B3GALT1: variants seen among roughly 807,000 people sequenced by gnomAD.
The protein encoded by B3GALT1 is UDP-Gal:betaGlcNAc beta 1,3-galactosyltransferase, polypeptide 1.
A neutral mutation model predicts 23.2 loss-of-function variants in B3GALT1; 10 were observed. That is an observed-to-expected ratio of 0.43 (90% confidence interval 0.27 to 0.73). The LOEUF (loss-of-function observed/expected upper bound fraction) is 0.73, where lower values mean the gene tolerates loss of function less well. Among genes scored for constraint, B3GALT1 ranks in the 30% least tolerant of loss-of-function variants. The probability of loss-of-function intolerance (pLI) is 0.21; values close to 1 mark genes in which losing one functional copy is unlikely to be tolerated. For missense variants in B3GALT1, 299 were observed against 405.4 expected, an observed-to-expected ratio of 0.74 and a Z score of 2.25; for synonymous variants, 156 against 141.5, an observed-to-expected ratio of 1.10 and a Z score of -0.73.
chr2:167,819,778 C>A (rs1395918552), intron 4 of B3GALT1, among the ~76,000 whole-genome samples: 1 of 152,212 alleles, frequency 6.6e-6, no homozygotes, highest in East Asian at 1.9e-4. Flanking sequence ...TTCAACAAAA[C>A]TCCAATTCAC....
At chr2:167,616,682 A>C (rs1685167822) in intron 2 of B3GALT1, among the ~76,000 whole-genome samples, 1 of 152,022 alleles carries the variant, frequency 6.6e-6, no homozygotes, top group Non-Finnish European at 1.5e-5. Flanking sequence ...GTGATAGAGC[A>C]AGACCCTGTC....
intron 2 of B3GALT1, among the ~76,000 whole-genome samples, chr2:167,623,701 T>C (rs556483701): frequency 1.3e-5 from 2 of 152,152 alleles, no homozygotes; most frequent in East Asian, 1.9e-4. Flanking sequence ...TGTGTACCTA[T>C]GTAACAAACC....
At chr2:167,721,076 C>T (rs1490447741) in intron 3 of B3GALT1, among the ~76,000 whole-genome samples, 1 of 151,912 alleles carries the variant, frequency 6.6e-6, no homozygotes, top group African/African-American at 2.4e-5. Context: ...CTTTCTCTCT[C>T]TTCTCTCTCT....
intron 1 of B3GALT1, among the ~76,000 whole-genome samples, chr2:167,333,195 T>C (rs543168080): frequency 6.6e-6 from 1 of 152,264 alleles, no homozygotes; most frequent in African/African-American, 2.4e-5. Flanking sequence ...CAACCCAATT[T>C]TGGAAAACAA....
chr2:167,390,046 T>C (rs1273817024), intron 1 of B3GALT1, among the ~76,000 whole-genome samples: 1 of 151,800 alleles, frequency 6.6e-6, no homozygotes, highest in Non-Finnish European at 1.5e-5. Flanking sequence ...GCCCAACTTA[T>C]ATACACTGGG....
At chr2:167,369,323 A>G (rs1397751818) in intron 1 of B3GALT1, among the ~76,000 whole-genome samples, 1 of 152,158 alleles carries the variant, frequency 6.6e-6, no homozygotes, top group African/African-American at 2.4e-5. Context: ...AGCAAGTGGT[A>G]GAATATTCCA....
intron 1 of B3GALT1, among the ~76,000 whole-genome samples, chr2:167,307,073 A>G (rs964303611): frequency 5.3e-5 from 8 of 152,014 alleles, no homozygotes; most frequent in African/African-American, 1.7e-4. Flanking sequence ...AATTAATAAG[A>G]TAGCAAAAAT....
chr2:167,812,773 G>A (rs1208287899), intron 3 of B3GALT1, among the ~76,000 whole-genome samples: 3 of 152,104 alleles, frequency 2.0e-5, no homozygotes, highest in Non-Finnish European at 2.9e-5. Flanking sequence ...AAATAGGCCA[G>A]ATTATTTTTA....
chr2:167,495,667 C>G (rs1053175224), intron 2 of B3GALT1, among the ~76,000 whole-genome samples: 2 of 152,048 alleles, frequency 1.3e-5, no homozygotes, highest in Non-Finnish European at 2.9e-5. Flanking sequence ...AGTATAAGCC[C>G]TATACCCCTT....
chr2:167,586,259 C>T (rs1368287627), intron 2 of B3GALT1, among the ~76,000 whole-genome samples: 1 of 152,168 alleles, frequency 6.6e-6, no homozygotes, highest in African/African-American at 2.4e-5. Context: ...GTCCAGGAGG[C>T]CTCCTTGGGG....
intron 4 of B3GALT1, among the ~76,000 whole-genome samples, chr2:167,858,248 T>C (rs1690035096): frequency 6.6e-6 from 1 of 151,934 alleles, no homozygotes; most frequent in South Asian, 2.1e-4. Flanking sequence ...GCAAGACTTT[T>C]TAATATAGGC....
rs377463542 is a variant in B3GALT1 at position 167,478,099 on chromosome 2, G to A, written c.-510-12078G>A. Among the ~76,000 whole-genome samples the A allele has an allele frequency of 7.9e-5, 12 of 152,286 alleles. No individual in the cohort carries two copies. The South Asian group carries it at 1.7e-3, about 21-fold the overall frequency. On this transcript the variant is annotated intron_variant, in intron 1 of 4. Coordinates refer to ENST00000392690, the MANE Select transcript of B3GALT1 (RefSeq NM_020981.4). ...TTTGAGGTTGGAGATAGCAGTATTC[G>A]TGCCATTATAAAGAATTTCTTTAGA...
intron 3 of B3GALT1, among the ~76,000 whole-genome samples, chr2:167,817,661 C>T (rs1689021904): frequency 1.3e-5 from 2 of 152,222 alleles, no homozygotes; most frequent in Admixed American, 1.3e-4. Flanking sequence ...ACTGCTGAAA[C>T]ACCATCCCAA....
chr2:167,388,871 C>G (rs115525587), intron 1 of B3GALT1, among the ~76,000 whole-genome samples: 1,635 of 152,228 alleles, frequency 0.011, 29 homozygotes, highest in African/African-American at 0.036. Flanking sequence ...AAAGCCATCT[C>G]TACAATAAAA....
chr2:167,712,157 A>T (rs1323378404), intron 3 of B3GALT1, among the ~76,000 whole-genome samples: 7 of 152,176 alleles, frequency 4.6e-5, no homozygotes, highest in African/African-American at 1.7e-4. Context: ...ATTTTAATCC[A>T]AACTTTTAAT....
chr2:167,468,765 A>ATTT (rs1699382604), intron 1 of B3GALT1, among the ~76,000 whole-genome samples: 2 of 152,108 alleles, frequency 1.3e-5, no homozygotes, highest in African/African-American at 4.8e-5. Context: ...CAGCTACTTG[A>ATTT]CAGGCTGAGG....
At chr2:167,827,040 G>A (rs984084826) in intron 4 of B3GALT1, among the ~76,000 whole-genome samples, 1 of 152,000 alleles carries the variant, frequency 6.6e-6, no homozygotes, top group East Asian at 1.9e-4. Context: ...AAATGTCCTC[G>A]ACACCAGAAC....
chr2:167,487,770 A>G (rs1699650207), intron 1 of B3GALT1, among the ~76,000 whole-genome samples: 1 of 152,196 alleles, frequency 6.6e-6, no homozygotes, highest in Admixed American at 6.5e-5. Flanking sequence ...AAAGCATTTT[A>G]TATTGGAAAA....
At chr2:167,747,418 A>G (rs1172148516) in intron 3 of B3GALT1, among the ~76,000 whole-genome samples, 3 of 152,240 alleles carry the variant, frequency 2.0e-5, no homozygotes, top group Non-Finnish European at 4.4e-5. Context: ...TCATTCCAGC[A>G]GAATTAGGCT....
Sources: gnomAD v4.1 joint callset for allele counts (sites outside exome capture counted in the v4.1 genomes callset) on GRCh38, gnomAD v4.1.1 for gene constraint, MANE v1.5 for transcripts, NCBI Gene and HGNC (gene_info 2026-07-23, HGNC 2026-07-21) for gene names.